Variants in NHS observed in about 807,000 individuals in gnomAD.
The protein encoded by NHS is actin remodeling regulator NHS.
In NHS, 5 loss-of-function variants were observed where a neutral mutation model predicts 72.5. The observed-to-expected ratio is 0.07, with a 90% CI of 0.04 to 0.14. The LOEUF is 0.14. Ranked by LOEUF, NHS falls within the 10% of genes least tolerant of loss-of-function variation. The pLI, the probability that NHS is intolerant of heterozygous loss-of-function variation, is 1.00. For missense variants in NHS, 1,072 were observed against 1,355.7 expected (o/e 0.79, Z 3.29); for synonymous variants, 464 against 547.7 (o/e 0.85, Z 2.13).
chrX:17,546,487 A>G (rs754404447), intron 1 of NHS, among the ~76,000 whole-genome samples: 3 of 112,497 alleles, frequency 2.7e-5, no homozygotes, highest in Non-Finnish European at 5.6e-5. Context: ...GTGCAACCAC[A>G]GTGGAGCTTC....
chrX:17,389,586 CTTATTTATTTAT>C (rs554552712), intron 1 of NHS, among the ~76,000 whole-genome samples: 31 of 102,336 alleles, frequency 3.0e-4, no homozygotes, highest in African/African-American at 1.1e-3. Flanking sequence ...CTTTTATTTT[CTTATTTATTTAT>C]TTATTTATTT....
At chrX:17,527,839 G>A (rs748958961) in intron 1 of NHS, among the ~76,000 whole-genome samples, 131 of 111,176 alleles carry the variant, frequency 1.2e-3, no homozygotes, top group Non-Finnish European at 1.8e-3. Flanking sequence ...CTGCCCCCTT[G>A]GCCTGCCTGT....
chrX:17,719,980 C>T (rs1447121837), intron 4 of NHS, among the ~76,000 whole-genome samples: 4 of 107,883 alleles, frequency 3.7e-5, no homozygotes, highest in Non-Finnish European at 7.7e-5. Context: ...CAATCAGTTT[C>T]TCTCTCTCTC....
Position 17,732,324 on chromosome X carries a change from G to A in NHS, c.4816G>A (p.Ala1606Thr). The change falls in exon 9 of 9, where the codon GCC (alanine) becomes ACC (threonine). Residue 1606 changes from alanine (A) to threonine (T), a missense_variant. Coordinates refer to ENST00000676302, the MANE Select transcript of NHS (RefSeq NM_001291867.2). ...ATCAGCAAGGGTTGGACGTTCTCGG[G>A]CCCCTCCTGCAGCCAGCAGCAGCCG... Reference protein sequence around the residue: ...SASARVGRSRAPPAASSSRYS... With the variant: ...SASARVGRSRTPPAASSSRYS... 8.2e-7 allele frequency: 1 copy of A among 1,212,408 alleles called. No individual in the cohort carries two copies. Among genetic ancestry groups the A allele is most frequent in the Non-Finnish European group, 1.1e-6 (1 of 895,672 alleles).
chrX:17,568,954 TG>T (rs2065460824), intron 1 of NHS, among the ~76,000 whole-genome samples: 1 of 110,633 alleles, frequency 9.0e-6, no homozygotes, highest in African/African-American at 3.3e-5. Context: ...CTGAGAATGA[TG>T]GTTTCCAGCT....
chrX:17,634,526 G>A (rs902534073), intron 1 of NHS, among the ~76,000 whole-genome samples: 4 of 111,711 alleles, frequency 3.6e-5, no homozygotes, highest in African/African-American at 1.3e-4. Flanking sequence ...CAAATCATGT[G>A]CCATGACAAC....
chrX:17,679,165 A>G (rs768713493), intron 1 of NHS, among the ~76,000 whole-genome samples: 6 of 100,433 alleles, frequency 6.0e-5, no homozygotes, highest in Non-Finnish European at 1.2e-4. Context: ...TTGTTTTACC[A>G]CATTCCCCTC....
At chrX:17,495,949 C>A (rs1298118085) in intron 1 of NHS, among the ~76,000 whole-genome samples, 2 of 111,401 alleles carry the variant, frequency 1.8e-5, no homozygotes, top group Non-Finnish European at 3.8e-5. Flanking sequence ...GCTAACAGAA[C>A]CTAAGGGCTG....
At chrX:17,548,859 C>A (rs5909373) in intron 1 of NHS, among the ~76,000 whole-genome samples, 20,897 of 110,453 alleles carry the variant, frequency 0.19, 1,747 homozygotes, top group Non-Finnish European at 0.26. Flanking sequence ...TGGCTGCCCC[C>A]CCTTGCTTTT....
chrX:17,379,732 G>A (rs1297137569), intron 1 of NHS, among the ~76,000 whole-genome samples: 2 of 112,034 alleles, frequency 1.8e-5, no homozygotes, highest in Admixed American at 9.4e-5. Flanking sequence ...CCAAGATCGC[G>A]CCATTGCACT....
rs1415830124 is a variant in NHS at position 17,462,248 on chromosome X, T to C, written c.565+85926T>C. On this transcript the variant is annotated intron_variant, in intron 1 of 8. Transcript: ENST00000676302. ...ACTATATATATATTCATTTAAGCCA[T>C]ACAACAGCTCTGAGAGCTAGGTGTT... Among the ~76,000 whole-genome samples the C allele has an allele frequency of 4.5e-5, 5 of 111,658 alleles. No individual in the cohort carries two copies. The East Asian group carries it at 1.4e-3, about 31-fold the overall frequency.
At chrX:17,378,713 G>T (rs2064359384) in intron 1 of NHS, among the ~76,000 whole-genome samples, 1 of 112,095 alleles carries the variant, frequency 8.9e-6, no homozygotes, top group Non-Finnish European at 1.9e-5. Flanking sequence ...GTTCAATCCA[G>T]CTGGCGACCC....
chrX:17,723,770 T>TGTGTGTGTGTGTGCGCGC (rs541219770), intron 5 of NHS, among the ~76,000 whole-genome samples: 5 of 91,317 alleles, frequency 5.5e-5, no homozygotes, highest in African/African-American at 2.5e-4. Flanking sequence ...TGTGTGTGTG[T>TGTGTGTGTGTGTGCGCGC]GCGCGCGCGT....
At chrX:17,377,161 G>A (rs754828427) in intron 1 of NHS, among the ~76,000 whole-genome samples, 53 of 112,121 alleles carry the variant, frequency 4.7e-4, no homozygotes, top group Non-Finnish European at 7.9e-4. Flanking sequence ...TTACTGGCAC[G>A]TGGACTTAGG....
intron 5 of NHS, among the ~76,000 whole-genome samples, chrX:17,722,999 A>G (rs2066414788): frequency 8.9e-6 from 1 of 111,952 alleles, no homozygotes; most frequent in South Asian, 3.7e-4. Context: ...AACATTGTTA[A>G]TGATGTCCAC....
chrX:17,392,437 C>T (rs1324707544), intron 1 of NHS, among the ~76,000 whole-genome samples: 1 of 112,240 alleles, frequency 8.9e-6, no homozygotes. Flanking sequence ...CCTGAAAATG[C>T]GCAGATGACA....
intron 1 of NHS, among the ~76,000 whole-genome samples, chrX:17,494,522 A>G (rs1263878905): frequency 1.8e-5 from 2 of 112,438 alleles, no homozygotes; most frequent in South Asian, 3.7e-4. Context: ...CTGTTTAATC[A>G]TAACTGTGGA....
intron 2 of NHS, 35 bp from the exon 3 acceptor site, chrX:17,692,300 T>G: frequency 8.3e-7 from 1 of 1,206,351 alleles, no homozygotes; most frequent in East Asian, 3.0e-5. Context: ...AAATGCCAAG[T>G]GTATTTCAGT....
chrX:17,701,961 C>A (rs1314032079), intron 3 of NHS, among the ~76,000 whole-genome samples: 2 of 111,107 alleles, frequency 1.8e-5, no homozygotes, highest in Non-Finnish European at 3.8e-5. Context: ...CTTGAATTTT[C>A]AAAACATGCG....
Sources: allele counts gnomAD v4.1 joint callset (sites outside exome capture counted in the v4.1 genomes callset), GRCh38; gene constraint gnomAD v4.1.1; transcripts MANE v1.5; gene names NCBI Gene and HGNC (gene_info 2026-07-23, HGNC 2026-07-21).